DGKB: variants seen among roughly 807,000 people sequenced by gnomAD.
DGKB encodes 90 kDa diacylglycerol kinase.
A neutral mutation model predicts 114.3 loss-of-function variants in DGKB; 67 were observed. That is an observed-to-expected ratio of 0.59 (90% CI 0.48 to 0.72). The LOEUF (loss-of-function observed/expected upper bound fraction) is 0.72, where lower values mean the gene tolerates loss of function less well. Among genes scored for constraint, DGKB ranks in the 30% least tolerant of loss-of-function variants. The pLI is 0.00. For synonymous variants in DGKB, 398 were observed against 323.1 expected, an observed-to-expected ratio of 1.23 and a Z score of -2.49; for missense variants, 907 against 975.2, an observed-to-expected ratio of 0.93 and a Z score of 0.93.
intron 21 of DGKB, among the ~76,000 whole-genome samples, chr7:14,402,756 T>C (rs1823337481): frequency 1.3e-5 from 2 of 151,914 alleles, no homozygotes; most frequent in African/African-American, 4.8e-5. Flanking sequence ...AGATGTTTTA[T>C]AGATATGATT....
intron 2 of DGKB, among the ~76,000 whole-genome samples, chr7:14,839,432 G>T (rs1409737250): frequency 2.7e-5 from 4 of 146,584 alleles, no homozygotes; most frequent in Admixed American, 6.8e-5. Context: ...TTTTTGACAG[G>T]GTCTGGCTGT....
chr7:14,746,097 G>T (rs1026576053), intron 4 of DGKB, among the ~76,000 whole-genome samples: 2 of 152,118 alleles, frequency 1.3e-5, no homozygotes, highest in African/African-American at 4.8e-5. Context: ...CTGGCACTTT[G>T]GGAGGCTGAG....
chr7:14,497,211 G>T lies in DGKB; in HGVS notation c.1771-18986C>A, dbSNP rs1372789628. On this transcript the variant is annotated intron_variant, in intron 20 of 25. Transcript: ENST00000402815. ...GCGGGGAGAAAGAAAGGGGGAAAAGGAATGAAAAAATGCCTATTGCATATG... is the reference window on the plus strand; with the variant it reads ...GCGGGGAGAAAGAAAGGGGGAAAAGTAATGAAAAAATGCCTATTGCATATG... 2.0e-5 allele frequency among the ~76,000 whole-genome samples: 3 copies of T among 151,592 alleles called. No homozygotes were observed. The Admixed American group carries it at 2.0e-4, about 10-fold the overall frequency.
At chr7:14,723,021 A>ATTTG (rs1251553398) in intron 5 of DGKB, among the ~76,000 whole-genome samples, 3 of 150,578 alleles carry the variant, frequency 2.0e-5, no homozygotes, top group Non-Finnish European at 4.4e-5. Flanking sequence ...TTATTTATTT[A>ATTTG]TTCATTTTTT....
intron 23 of DGKB, among the ~76,000 whole-genome samples, chr7:14,266,491 G>T (rs956876833): frequency 6.6e-6 from 1 of 152,128 alleles, no homozygotes; most frequent in African/African-American, 2.4e-5. Context: ...TCTTAGAAGA[G>T]CATCCATAAA....
chr7:14,149,553 T>C (rs1375251498), intron 25 of DGKB, among the ~76,000 whole-genome samples: 2 of 152,130 alleles, frequency 1.3e-5, no homozygotes, highest in South Asian at 2.1e-4. Context: ...GGTTACATGA[T>C]TATCCAGTAT....
At chr7:14,319,768 A>C (rs1369310837) in intron 23 of DGKB, among the ~76,000 whole-genome samples, 1 of 152,200 alleles carries the variant, frequency 6.6e-6, no homozygotes, top group Non-Finnish European at 1.5e-5. Context: ...CCAGTGGTCT[A>C]TAGTATGTCA....
chr7:14,624,852 A>G (rs560261936), intron 14 of DGKB, among the ~76,000 whole-genome samples: 63 of 152,084 alleles, frequency 4.1e-4, no homozygotes, highest in African/African-American at 1.4e-3. Flanking sequence ...GCAAAAATAT[A>G]GTCGGGCATG....
rs1438299756 is a variant in DGKB at position 14,307,779 on chromosome 7, T to A, written c.2122+30736A>T. 2.0e-5 allele frequency among the ~76,000 whole-genome samples: 3 copies of A among 152,298 alleles called. No individual in the cohort carries two copies. In the East Asian group the frequency reaches 5.8e-4, roughly 29 times the overall value. On this transcript the variant is annotated intron_variant, in intron 23 of 25. Transcript: ENST00000402815. ...GAATTATATCACATAGAGTTTTTCT[T>A]TTTCTTTTAGAATCATAATGTCTTA...
intron 17 of DGKB, among the ~76,000 whole-genome samples, chr7:14,593,700 T>A (rs1802062042): frequency 6.6e-6 from 1 of 151,924 alleles, no homozygotes. Context: ...ACAAAAATTA[T>A]GAGTGGTCAT....
At chr7:14,678,931 T>C (rs1221799481) in intron 12 of DGKB, among the ~76,000 whole-genome samples, 4 of 151,956 alleles carry the variant, frequency 2.6e-5, no homozygotes, top group Admixed American at 6.6e-5. Flanking sequence ...GTAAAAAAAA[T>C]TGACTTCAAA....
At chr7:14,379,977 C>T (rs1210285479) in intron 21 of DGKB, among the ~76,000 whole-genome samples, 1 of 151,946 alleles carries the variant, frequency 6.6e-6, no homozygotes, top group Non-Finnish European at 1.5e-5. Flanking sequence ...TCTAAATTCA[C>T]TGTGAGGCTG....
intron 23 of DGKB, among the ~76,000 whole-genome samples, chr7:14,194,642 T>G (rs551709510): frequency 1.3e-5 from 2 of 152,274 alleles, no homozygotes; most frequent in South Asian, 4.1e-4. Context: ...TATTATGTTA[T>G]ATATGTATGC....
At chr7:14,963,061 G>C (rs1393183190) in intron 1 of DGKB, among the ~76,000 whole-genome samples, 1 of 152,010 alleles carries the variant, frequency 6.6e-6, no homozygotes, top group Non-Finnish European at 1.5e-5. Flanking sequence ...TATAAAGCTA[G>C]AAACATTGAC....
At chr7:14,544,018 T>C (rs1793900610) in intron 20 of DGKB, among the ~76,000 whole-genome samples, 1 of 152,226 alleles carries the variant, frequency 6.6e-6, no homozygotes, top group South Asian at 2.1e-4. Context: ...TGTATTGCTA[T>C]TAGTATATGA....
At chr7:14,314,031 T>A (rs1805967113) in intron 23 of DGKB, among the ~76,000 whole-genome samples, 1 of 152,118 alleles carries the variant, frequency 6.6e-6, no homozygotes, top group African/African-American at 2.4e-5. Flanking sequence ...CACTGACACC[T>A]CACACTGCAG....
intron 13 of DGKB, among the ~76,000 whole-genome samples, chr7:14,641,354 C>T (rs1811761725): frequency 6.6e-6 from 1 of 151,632 alleles, no homozygotes; most frequent in Admixed American, 6.6e-5. Context: ...TTGCATTTTA[C>T]AATACAAAGA....
intron 13 of DGKB, among the ~76,000 whole-genome samples, chr7:14,652,912 C>A (rs1369286146): frequency 6.6e-6 from 1 of 151,946 alleles, no homozygotes; most frequent in Non-Finnish European, 1.5e-5. Context: ...AAATGCTCAT[C>A]ATCACTGGCC....
chr7:14,863,471 A>G (rs1040265098), intron 1 of DGKB, among the ~76,000 whole-genome samples: 1 of 151,856 alleles, frequency 6.6e-6, no homozygotes, highest in South Asian at 2.1e-4. Flanking sequence ...TTTCATCTTT[A>G]TATTAATTCT....
Sources: gnomAD v4.1 joint callset for allele counts (sites outside exome capture counted in the v4.1 genomes callset) on GRCh38, gnomAD v4.1.1 for gene constraint, MANE v1.5 for transcripts, NCBI Gene and HGNC (gene_info 2026-07-23, HGNC 2026-07-21) for gene names.